The following AOPEP variants were observed in gnomAD, a reference collection of about 807,000 sequenced individuals.
AOPEP encodes the protein aminopeptidase O (putative), also known as aminopeptidase O.
A neutral mutation model predicts 98.1 loss-of-function variants in AOPEP; 77 were observed. The observed-to-expected ratio is 0.78, with a 90% CI of 0.65 to 0.95. The LOEUF (loss-of-function observed/expected upper bound fraction) is 0.95, where lower values mean the gene tolerates loss of function less well. Among genes scored for constraint, AOPEP ranks in the 40% least tolerant of loss-of-function variants. The pLI is 0.00. For synonymous variants in AOPEP, 346 were observed against 365.3 expected (o/e 0.95, Z 0.60); for missense variants, 1,024 against 1,024.7 (o/e 1.00, Z 0.01).
intron 5 of AOPEP, among the ~76,000 whole-genome samples, chr9:94,910,799 T>A (rs554348588): frequency 4.3e-4 from 65 of 152,266 alleles, no homozygotes; most frequent in African/African-American, 1.5e-3. Context: ...GAGGGGCCAG[T>A]CTATTAGGAT....
At chr9:94,737,868 C>G (rs1006766067) in intron 1 of AOPEP, among the ~76,000 whole-genome samples, 1 of 152,070 alleles carries the variant, frequency 6.6e-6, no homozygotes, top group Admixed American at 6.6e-5. Context: ...TATGGTTCAG[C>G]TTAGGATGGA....
intron 1 of AOPEP, among the ~76,000 whole-genome samples, chr9:94,740,345 C>T (rs908067401): frequency 2.6e-5 from 4 of 152,060 alleles, no homozygotes; most frequent in Non-Finnish European, 4.4e-5. Context: ...GTTGGTTTGC[C>T]TATGAAAGGC....
the AOPEP span, among the ~76,000 whole-genome samples, chr9:95,104,479 C>T: frequency 1.3e-5 from 2 of 151,688 alleles, no homozygotes; most frequent in Admixed American, 6.6e-5. Flanking sequence ...CGTGTGGATC[C>T]GCAGCAGGGG....
chr9:94,786,028 T>G (rs1421477940), intron 3 of AOPEP, among the ~76,000 whole-genome samples: 1 of 152,212 alleles, frequency 6.6e-6, no homozygotes, highest in African/African-American at 2.4e-5. Flanking sequence ...AGTACACATG[T>G]GGCAGCCATA....
chr9:95,049,040 C>T (rs551310358), intron 13 of AOPEP: 1 of 152,348 alleles, frequency 6.6e-6, no homozygotes, highest in East Asian at 1.9e-4. Context: ...CTGGGCTCCA[C>T]AGAGAGGAGC....
chr9:95,150,150 A>G, the AOPEP span: 3 of 1,579,622 alleles, frequency 1.9e-6, no homozygotes, highest in Non-Finnish European at 2.6e-6. Flanking sequence ...AGGACATATA[A>G]AAACCTTCAT....
chr9:95,011,548 G>A (rs933277886), intron 13 of AOPEP, among the ~76,000 whole-genome samples: 2 of 152,026 alleles, frequency 1.3e-5, no homozygotes, highest in South Asian at 2.1e-4. Flanking sequence ...GGTAACTCAC[G>A]CCTGTAATCC....
intron 5 of AOPEP, among the ~76,000 whole-genome samples, chr9:94,877,074 TG>T (rs1042236895): frequency 2.6e-5 from 4 of 152,184 alleles, no homozygotes; most frequent in African/African-American, 9.6e-5. Flanking sequence ...ATTTTAAGGT[TG>T]GGGGTAATTT....
chr9:95,054,337 A>G (rs1423953920), intron 13 of AOPEP, among the ~76,000 whole-genome samples: 1 of 152,214 alleles, frequency 6.6e-6, no homozygotes, highest in East Asian at 1.9e-4. Flanking sequence ...AAATACTTGG[A>G]AATTTTCAAT....
chr9:94,818,182 C>G (rs1852123395), intron 5 of AOPEP, among the ~76,000 whole-genome samples: 1 of 152,204 alleles, frequency 6.6e-6, no homozygotes, highest in African/African-American at 2.4e-5. Context: ...CCACTCATCT[C>G]CAGAACTCTT....
At chr9:95,082,492 ACAAG>A in intron 15 of AOPEP, 79 bp from the exon 16 acceptor site, 1 of 1,465,988 alleles carries the variant, frequency 6.8e-7, no homozygotes, top group Non-Finnish European at 9.3e-7. Flanking sequence ...TGTGTGTGGA[ACAAG>A]CACAGACTGA....
intron 4 of AOPEP, among the ~76,000 whole-genome samples, chr9:94,794,811 G>A (rs1005549611): frequency 1.4e-5 from 2 of 139,024 alleles, no homozygotes; most frequent in Non-Finnish European, 3.0e-5. Flanking sequence ...CTACAAAACA[G>A]AGGAGGCTTT....
At chr9:95,121,253 A>G in the AOPEP span, among the ~76,000 whole-genome samples, 1 of 152,180 alleles carries the variant, frequency 6.6e-6, no homozygotes, top group South Asian at 2.1e-4. Context: ...GTGGCTTGTC[A>G]CACCCATTTC....
the AOPEP span, among the ~76,000 whole-genome samples, chr9:95,131,536 C>G: frequency 1.3e-5 from 2 of 152,200 alleles, no homozygotes; most frequent in African/African-American, 2.4e-5. Flanking sequence ...TGGTGCCCCC[C>G]TGAGGCTAAT....
intron 11 of AOPEP, among the ~76,000 whole-genome samples, chr9:94,985,470 A>C (rs545000158): frequency 3.3e-5 from 5 of 152,228 alleles, no homozygotes; most frequent in Admixed American, 6.5e-5. Context: ...AGCTGGTTTT[A>C]TAGGGGAATG....
chr9:94,837,653 A>G (rs565059294), intron 5 of AOPEP, among the ~76,000 whole-genome samples: 1 of 152,382 alleles, frequency 6.6e-6, no homozygotes, highest in Admixed American at 6.5e-5. Context: ...AATTAAAAAC[A>G]AAAATCACAT....
chr9:95,116,761 T>C, the AOPEP span, among the ~76,000 whole-genome samples: 3 of 152,228 alleles, frequency 2.0e-5, no homozygotes, highest in Non-Finnish European at 4.4e-5. Context: ...GAACCATCAC[T>C]TCCCCAGCTG....
chr9:95,107,016 C>T, the AOPEP span: 503 of 1,590,128 alleles, frequency 3.2e-4, no homozygotes, highest in East Asian at 7.3e-3. Context: ...ACCCACCTCT[C>T]GCCTGGAGCA....
rs548277938 is a variant in AOPEP at position 94,851,525 on chromosome 9, C to T, written c.1364+50523C>T. Reference sequence around the variant, plus strand: ...GGGCTGGATGATTCCCTCCAGACCTCGTTCAAGTATAATTTCCCCTGACGA... The same window carrying T: ...GGGCTGGATGATTCCCTCCAGACCTTGTTCAAGTATAATTTCCCCTGACGA... On this transcript the variant is annotated intron_variant, in intron 5 of 16. Coordinates refer to ENST00000375315, the MANE Select transcript of AOPEP (RefSeq NM_001193329.3). Among the ~76,000 whole-genome samples, 5 of 151,856 alleles carry T rather than the reference C, an allele frequency of 3.3e-5. No homozygotes were observed. In the South Asian group the frequency reaches 6.3e-4, roughly 19 times the overall value.
Sources: allele counts gnomAD v4.1 joint callset (sites outside exome capture counted in the v4.1 genomes callset), GRCh38; gene constraint gnomAD v4.1.1; transcripts MANE v1.5; gene names NCBI Gene and HGNC (gene_info 2026-07-23, HGNC 2026-07-21).